The following ALKAL1 variants were observed in gnomAD, a reference collection of about 807,000 sequenced individuals.
ALKAL1 encodes ALK and LTK ligand 1, also known as AUG-beta.
A neutral mutation model predicts 13.5 loss-of-function variants in ALKAL1; 23 were observed. The observed-to-expected ratio is 1.70, with a 90% confidence interval of 1.23 to 2.41. The LOEUF is 2.41. ALKAL1 is among the 30% of genes most tolerant of loss of function. ALKAL1 has a pLI of 0.00. For missense variants in ALKAL1, 181 were observed against 178.4 expected, an observed-to-expected ratio of 1.01 and a Z score of -0.08; for synonymous variants, 85 against 77.7, an observed-to-expected ratio of 1.09 and a Z score of -0.49.
intron 1 of ALKAL1, among the ~76,000 whole-genome samples, chr8:52,563,288 C>G (rs1272693247): frequency 6.6e-6 from 1 of 152,088 alleles, no homozygotes; most frequent in Non-Finnish European, 1.5e-5. Flanking sequence ...TTAAAATTAG[C>G]CGGGCGTGGT....
At chr8:52,547,149 G>A (rs1295568973) in intron 1 of ALKAL1, among the ~76,000 whole-genome samples, 1 of 152,102 alleles carries the variant, frequency 6.6e-6, no homozygotes, top group African/African-American at 2.4e-5. Context: ...TTAGTGACTA[G>A]ATGCACGCAG....
intron 1 of ALKAL1, among the ~76,000 whole-genome samples, chr8:52,557,423 T>C (rs1847495959): frequency 6.6e-6 from 1 of 152,226 alleles, no homozygotes; most frequent in African/African-American, 2.4e-5. Context: ...TTCTGTCTCA[T>C]GGAAATGATC....
chr8:52,557,779 G>A (rs1472533276), intron 1 of ALKAL1, among the ~76,000 whole-genome samples: 3 of 152,110 alleles, frequency 2.0e-5, no homozygotes, highest in African/African-American at 7.2e-5. Context: ...GAGGTCAGGA[G>A]TTTGAGACCA....
In ALKAL1 at chr8:52,534,569, C is replaced by A; in HGVS notation, c.*44G>T. ...TTTTGCATGATTTGAGGCACTTTTT[C>A]TTCAAATTAGATGTACATTCTTAGG... is the stretch of plus-strand genomic sequence containing the variant. On this transcript the variant is annotated 3_prime_UTR_variant, in exon 5 of 5. Coordinates refer to ENST00000358543, the MANE Select transcript of ALKAL1 (RefSeq NM_207413.4). 1 of 595,036 alleles carries A rather than the reference C, an allele frequency of 1.7e-6. No individual in the cohort carries two copies. The highest frequency in any genetic ancestry group is 2.9e-5 in the Admixed American group (1 of 34,034). 36.9% of individuals were successfully genotyped at this position (595,036 alleles called of 1,614,324 possible).
chr8:52,541,887 G>A (rs369821103), intron 2 of ALKAL1, among the ~76,000 whole-genome samples: 3 of 151,978 alleles, frequency 2.0e-5, no homozygotes, highest in African/African-American at 7.3e-5. Flanking sequence ...AACATAGTCT[G>A]AATTCCCTAG....
intron 1 of ALKAL1, among the ~76,000 whole-genome samples, chr8:52,563,959 G>C (rs928611649): frequency 6.6e-6 from 1 of 152,248 alleles, no homozygotes; most frequent in African/African-American, 2.4e-5. Flanking sequence ...CATGGTGACA[G>C]ACAGGAACTC....
chr8:52,559,102 C>T (rs1847513923), intron 1 of ALKAL1, among the ~76,000 whole-genome samples: 1 of 152,194 alleles, frequency 6.6e-6, no homozygotes, highest in Non-Finnish European at 1.5e-5. Context: ...GGGCATTAAA[C>T]TGTTCCTGAG....
At chr8:52,541,326 T>G (rs1428608900) in intron 2 of ALKAL1, among the ~76,000 whole-genome samples, 1 of 151,938 alleles carries the variant, frequency 6.6e-6, no homozygotes, top group East Asian at 1.9e-4. Context: ...AATAAAAAAT[T>G]CGCTGAGTGT....
intron 2 of ALKAL1, among the ~76,000 whole-genome samples, chr8:52,540,295 T>A (rs1847300524): frequency 6.6e-6 from 1 of 152,232 alleles, no homozygotes; most frequent in African/African-American, 2.4e-5. Flanking sequence ...TAGCAATTAA[T>A]GTTTACATGC....
At chr8:52,536,492 G>A (rs1368066567) in intron 4 of ALKAL1, among the ~76,000 whole-genome samples, 1 of 151,960 alleles carries the variant, frequency 6.6e-6, no homozygotes, top group Non-Finnish European at 1.5e-5. Context: ...ATTGCCCAAG[G>A]GCTCCTACGA....
intron 1 of ALKAL1, among the ~76,000 whole-genome samples, chr8:52,563,500 AAAGAG>A (rs1847571394): frequency 6.6e-6 from 1 of 152,216 alleles, no homozygotes; most frequent in African/African-American, 2.4e-5. Flanking sequence ...TGTCTGAATC[AAAGAG>A]AAAAGATCTG....
At chr8:52,535,559 A>G (rs1179749487) in intron 4 of ALKAL1, among the ~76,000 whole-genome samples, 1 of 150,652 alleles carries the variant, frequency 6.6e-6, no homozygotes, top group Non-Finnish European at 1.5e-5. Context: ...TCAAAAAAAA[A>G]AAAAAAAAAA....
chr8:52,561,831 A>T (rs1847554002), intron 1 of ALKAL1, among the ~76,000 whole-genome samples: 1 of 152,216 alleles, frequency 6.6e-6, no homozygotes. Flanking sequence ...GACTCCAGAA[A>T]GCCTGTAGAA....
chr8:52,545,247 G>T (rs117322179), intron 1 of ALKAL1, among the ~76,000 whole-genome samples: 127 of 152,270 alleles, frequency 8.3e-4, no homozygotes, highest in Non-Finnish European at 1.4e-3. Context: ...AAGATAAAAA[G>T]CTACATACAT....
At chr8:52,549,301 CA>C (rs1375604739) in intron 1 of ALKAL1, among the ~76,000 whole-genome samples, 2 of 151,822 alleles carry the variant, frequency 1.3e-5, no homozygotes, top group Admixed American at 1.3e-4. Flanking sequence ...AAAATAAGAA[CA>C]ATTACCTTTA....
At chr8:52,548,700 T>C (rs911568319) in intron 1 of ALKAL1, among the ~76,000 whole-genome samples, 3 of 151,508 alleles carry the variant, frequency 2.0e-5, no homozygotes, top group African/African-American at 4.8e-5. Context: ...TTTGGGAGGG[T>C]TAAAATCAAA....
intron 1 of ALKAL1, among the ~76,000 whole-genome samples, chr8:52,556,474 C>T (rs903401203): frequency 2.0e-5 from 3 of 151,172 alleles, no homozygotes; most frequent in Non-Finnish European, 2.9e-5. Flanking sequence ...GGTGAAACCC[C>T]GTCTCTACTA....
chr8:52,539,879 G>C lies in ALKAL1; in HGVS notation c.277C>G (p.His93Asp). 6.2e-7 allele frequency: 1 copy of C among 1,613,620 alleles called. No homozygotes were observed. The highest frequency in any genetic ancestry group is 8.5e-7 in the Non-Finnish European group (1 of 1,179,878). Reference sequence around the variant, plus strand: ...GTATTGTAATAGAGTCGGTGGAAATGTTTGCTGCATTCTGGTGAAAATGTG... The same window carrying C: ...GTATTGTAATAGAGTCGGTGGAAATCTTTGCTGCATTCTGGTGAAAATGTG... ...PVTFSPECSK[H>D]FHRLYYNTRE... Residue 93 changes from histidine (H) to aspartate (D), a missense_variant, in exon 3 of 5, where the codon CAT becomes GAT. By Grantham distance (81) the His-to-Asp change is moderately conservative. Transcript: ENST00000358543.
In ALKAL1 at chr8:52,555,199, G is replaced by A. The variant is rs369875106; in HGVS notation, c.190+9868C>T. The stretch of plus-strand genomic sequence containing the variant: ...AAAAAAAAAAAAAAAGATAAAGGCC[G>A]ACAAATGCCCACTGGAGTCAACTGG... On this transcript the variant is annotated intron_variant, in intron 1 of 4. Coordinates refer to ENST00000358543, the MANE Select transcript of ALKAL1 (RefSeq NM_207413.4). Among the ~76,000 whole-genome samples the A allele has an allele frequency of 6.6e-5, 10 of 151,568 alleles. No individual in the cohort carries two copies. In the East Asian group the frequency reaches 9.8e-4, roughly 15 times the overall value.
Sources: gnomAD v4.1 joint callset for allele counts (sites outside exome capture counted in the v4.1 genomes callset) on GRCh38, gnomAD v4.1.1 for gene constraint, MANE v1.5 for transcripts, NCBI Gene and HGNC (gene_info 2026-07-23, HGNC 2026-07-21) for gene names.